The following KCNU1 variants were observed in gnomAD, a reference collection of about 807,000 sequenced individuals.
The protein encoded by KCNU1 is potassium channel subfamily U member 1.
Under a neutral mutation model 126.8 loss-of-function variants are expected in KCNU1, and 93 were observed. The ratio of observed to expected loss-of-function variants is 0.73; its 90% CI spans 0.62 to 0.87. The LOEUF (loss-of-function observed/expected upper bound fraction) is 0.87, where lower values mean the gene tolerates loss of function less well. KCNU1 is among the 40% of genes least tolerant of loss of function. KCNU1 has a pLI of 0.00. For synonymous variants in KCNU1, 523 were observed against 494.2 expected (o/e 1.06, Z -0.77); for missense variants, 1,330 against 1,367.1 (o/e 0.97, Z 0.43).
intron 2 of KCNU1, among the ~76,000 whole-genome samples, chr8:36,798,251 T>C (rs28665460): frequency 0.028 from 4,315 of 152,260 alleles, 216 homozygotes; most frequent in African/African-American, 0.099. Flanking sequence ...CTAAGGGATG[T>C]GGGGAGTCAT....
intron 18 of KCNU1, among the ~76,000 whole-genome samples, chr8:36,860,676 C>T (rs546958773): frequency 1.8e-4 from 27 of 152,070 alleles, no homozygotes; most frequent in Non-Finnish European, 3.7e-4. Flanking sequence ...GAAAGTTGTG[C>T]CCAAATTCCC....
intron 10 of KCNU1, among the ~76,000 whole-genome samples, chr8:36,823,315 A>G (rs1432072535): frequency 1.3e-5 from 2 of 152,156 alleles, no homozygotes; most frequent in Non-Finnish European, 2.9e-5. Flanking sequence ...AACTGCTTTC[A>G]GTTCTTTCAG....
chr8:36,928,139 G>A, intron 24 of KCNU1, among the ~76,000 whole-genome samples: 1 of 152,146 alleles, frequency 6.6e-6, no homozygotes, highest in Non-Finnish European at 1.5e-5. Flanking sequence ...GAACATGGGT[G>A]ACATGTAAAT....
At chr8:36,824,978 ATAATTGTAAGG>A (rs1309619950) in intron 10 of KCNU1, among the ~76,000 whole-genome samples, 2 of 152,210 alleles carry the variant, frequency 1.3e-5, no homozygotes, top group Non-Finnish European at 2.9e-5. Flanking sequence ...ACCCAAAAAT[ATAATTGTAAGG>A]TAATAAAGTT....
At chr8:36,857,459 C>T (rs1433213406) in intron 18 of KCNU1, among the ~76,000 whole-genome samples, 1 of 152,162 alleles carries the variant, frequency 6.6e-6, no homozygotes, top group African/African-American at 2.4e-5. Context: ...TTCTTGAGCA[C>T]ACCTGTCCAG....
chr8:36,814,476 T>C, intron 8 of KCNU1, 99 bp downstream of exon 8: 1 of 852,770 alleles, frequency 1.2e-6, no homozygotes, highest in Non-Finnish European at 1.9e-6. Context: ...AGAGTGAATG[T>C]TGCATTACTT....
chr8:36,880,658 G>C (rs549307260), intron 19 of KCNU1, among the ~76,000 whole-genome samples: 5 of 152,248 alleles, frequency 3.3e-5, no homozygotes, highest in African/African-American at 1.2e-4. Flanking sequence ...TGGAATCCCT[G>C]ACTGGCAGTC....
chr8:36,852,364 CA>C (rs2117293996), intron 18 of KCNU1, among the ~76,000 whole-genome samples: 1 of 152,186 alleles, frequency 6.6e-6, no homozygotes, highest in South Asian at 2.1e-4. Context: ...CTTTTGCCAT[CA>C]TATGAAAACT....
intron 19 of KCNU1, among the ~76,000 whole-genome samples, chr8:36,881,796 T>TCACACACACACACACA (rs10522369): frequency 7.2e-6 from 1 of 138,844 alleles, no homozygotes; most frequent in African/African-American, 2.7e-5. Flanking sequence ...AAAAGTCAAA[T>TCACACACACACACACA]CACACACACA....
At chr8:36,928,269 G>A (rs1349336519) in intron 24 of KCNU1, among the ~76,000 whole-genome samples, 1 of 152,072 alleles carries the variant, frequency 6.6e-6, no homozygotes, top group African/African-American at 2.4e-5. Context: ...TTTTCCTAGA[G>A]CTATTGATAC....
chr8:36,817,803 A>T (rs1192297426), intron 10 of KCNU1, 43 bp downstream of exon 10: 2 of 928,320 alleles, frequency 2.2e-6, no homozygotes, highest in Non-Finnish European at 3.5e-6. Context: ...ATTAATACTT[A>T]AAATACGTGT....
intron 14 of KCNU1, 117 bp downstream of exon 14, chr8:36,837,062 T>A: frequency 1.1e-6 from 1 of 906,174 alleles, no homozygotes; most frequent in Non-Finnish European, 1.7e-6. Flanking sequence ...GAGATATGAC[T>A]TCTGCTTGAG....
intron 23 of KCNU1, 147 bp downstream of exon 23, chr8:36,919,044 C>T (rs1808235696): frequency 1.1e-5 from 7 of 630,682 alleles, no homozygotes; most frequent in Non-Finnish European, 2.0e-5. Flanking sequence ...GGATGTTACA[C>T]TGGGCTTTGA....
chr8:36,901,693 C>T (rs999562810), intron 19 of KCNU1, among the ~76,000 whole-genome samples: 2 of 152,132 alleles, frequency 1.3e-5, no homozygotes, highest in African/African-American at 4.8e-5. Context: ...TTCATTGCTT[C>T]CTGGATGCTC....
intron 2 of KCNU1, among the ~76,000 whole-genome samples, chr8:36,791,181 G>A (rs1350373261): frequency 6.6e-6 from 1 of 152,074 alleles, no homozygotes; most frequent in Non-Finnish European, 1.5e-5. Context: ...CTATGGGTTT[G>A]ATGTTTAGTG....
At chr8:36,893,151 T>G (rs1052414914) in intron 19 of KCNU1, among the ~76,000 whole-genome samples, 3 of 151,244 alleles carry the variant, frequency 2.0e-5, no homozygotes, top group South Asian at 2.1e-4. Flanking sequence ...TTTGTTTTTT[T>G]TTTGTAAAGA....
intron 10 of KCNU1, among the ~76,000 whole-genome samples, chr8:36,828,361 T>A (rs1804400975): frequency 6.6e-6 from 1 of 152,222 alleles, no homozygotes; most frequent in Non-Finnish European, 1.5e-5. Flanking sequence ...ATAATCTATA[T>A]TTAACTGTAT....
Position 36,922,556 on chromosome 8 carries a change from A to G in KCNU1, c.2663A>G (p.Asn888Ser), listed in dbSNP as rs752338608. 82 of 1,613,698 alleles carry G rather than the reference A, an allele frequency of 5.1e-5. No homozygotes were observed. Among genetic ancestry groups the G allele is most frequent in the Non-Finnish European group, 7.0e-5 (82 of 1,179,750 alleles). The change falls in exon 24 of 27, where the codon AAT becomes AGT. Residue 888 changes from asparagine (N) to serine (S), a missense_variant. Coordinates refer to ENST00000399881, the MANE Select transcript of KCNU1 (RefSeq NM_001031836.3). ...GGLEGSLQET[N>S]LHLSTAFSTG... ...CTGGAAGGGTCCCTCCAAGAAACAA[A>G]TCTGCATCTCAGCACTGCCTTTTCT...
intron 11 of KCNU1, among the ~76,000 whole-genome samples, chr8:36,834,139 A>G (rs80198164): frequency 1.3e-5 from 2 of 152,210 alleles, no homozygotes; most frequent in Admixed American, 6.5e-5. Context: ...ATAATGAGCA[A>G]CAGCCAACCC....
Sources: allele counts gnomAD v4.1 joint callset (sites outside exome capture counted in the v4.1 genomes callset), GRCh38; gene constraint gnomAD v4.1.1; transcripts MANE v1.5; gene names NCBI Gene and HGNC (gene_info 2026-07-23, HGNC 2026-07-21).